The following UTS2B variants were observed in gnomAD, a reference collection of about 807,000 sequenced individuals.
UTS2B encodes the protein urotensin 2B, also known as urotensin-2B.
Under a neutral mutation model 19.2 loss-of-function variants are expected in UTS2B, and 21 were observed. That is an observed-to-expected ratio of 1.09 (90% confidence interval 0.78 to 1.58). UTS2B has a LOEUF of 1.58. Among genes scored for constraint, UTS2B ranks in the 40% most tolerant of loss-of-function variants. The pLI is 0.00. For missense variants in UTS2B, 138 were observed against 130.3 expected, an observed-to-expected ratio of 1.06 and a Z score of -0.29; for synonymous variants, 57 against 50.2, an observed-to-expected ratio of 1.14 and a Z score of -0.58.
At chr3:191,337,751 C>T in the UTS2B span, among the ~76,000 whole-genome samples, 1 of 152,000 alleles carries the variant, frequency 6.6e-6, no homozygotes, top group African/African-American at 2.4e-5. Context: ...CGTATGCCAG[C>T]TCTGAGTAAG....
chr3:191,273,470 C>CT, intron 8 of UTS2B: 1 of 456,716 alleles, frequency 2.2e-6, no homozygotes, highest in South Asian at 1.5e-5. Flanking sequence ...CCCTTCCGAA[C>CT]TGAGGCAATT....
At chr3:191,326,089 G>C (rs950791024) in intron 2 of UTS2B, among the ~76,000 whole-genome samples, 4 of 152,166 alleles carry the variant, frequency 2.6e-5, no homozygotes, top group African/African-American at 9.7e-5. Context: ...CTTTCCAGAA[G>C]TATAGTTCTG....
chr3:191,308,901 A>G (rs941588228), intron 3 of UTS2B, among the ~76,000 whole-genome samples: 1 of 152,184 alleles, frequency 6.6e-6, no homozygotes, highest in African/African-American at 2.4e-5. Context: ...GATATTCAAC[A>G]GAATGTAAAA....
chr3:191,267,854 C>T lies in UTS2B; in HGVS notation c.*562G>A, dbSNP rs71312407. The T allele has an allele frequency of 0.24, 36,897 of 152,090 alleles. 4,654 individuals carry two copies. The highest frequency in any genetic ancestry group is 0.29 in the Admixed American group (4,458 of 15,274). 9.4% of individuals were successfully genotyped at this position (152,090 alleles called of 1,614,324 possible). A position where few individuals can be genotyped will look rare whatever the true frequency, so the allele number is the denominator to read the frequency against. On this transcript the variant is annotated 3_prime_UTR_variant, in exon 9 of 9. Transcript: ENST00000340524. ...CAGAGCCTTAAAACAGAAACACAATCTTTCCATAACCTATGATTAGCAAGA... is the reference window on the plus strand; with the variant it reads ...CAGAGCCTTAAAACAGAAACACAATTTTTCCATAACCTATGATTAGCAAGA...
At chr3:191,273,087 G>A (rs1490541725) in intron 8 of UTS2B, among the ~76,000 whole-genome samples, 1 of 152,174 alleles carries the variant, frequency 6.6e-6, no homozygotes, top group Non-Finnish European at 1.5e-5. Flanking sequence ...TGAATAGCTG[G>A]AACCTGGGAG....
intron 4 of UTS2B, among the ~76,000 whole-genome samples, chr3:191,294,353 G>C (rs560634975): frequency 6.6e-6 from 1 of 151,830 alleles, no homozygotes; most frequent in Non-Finnish European, 1.5e-5. Context: ...GGGTCTATTA[G>C]AAGACGCAAA....
intron 4 of UTS2B, among the ~76,000 whole-genome samples, chr3:191,292,039 G>A (rs1320663763): frequency 6.6e-6 from 1 of 151,356 alleles, no homozygotes; most frequent in African/African-American, 2.4e-5. Context: ...ACTTCTAATG[G>A]TCTATTGTGA....
At chr3:191,343,659 A>G in the UTS2B span, among the ~76,000 whole-genome samples, 1 of 152,216 alleles carries the variant, frequency 6.6e-6, no homozygotes, top group Admixed American at 6.5e-5. Flanking sequence ...TTTTTAAAGA[A>G]GGTACAGGAG....
At chr3:191,324,245 A>G (rs2108616509) in intron 2 of UTS2B, among the ~76,000 whole-genome samples, 1 of 152,334 alleles carries the variant, frequency 6.6e-6, no homozygotes, top group Non-Finnish European at 1.5e-5. Flanking sequence ...GAAGGCTCTT[A>G]CCAGATGGGA....
At chr3:191,297,526 T>G (rs951371882) in intron 4 of UTS2B, among the ~76,000 whole-genome samples, 1 of 152,218 alleles carries the variant, frequency 6.6e-6, no homozygotes, top group Admixed American at 6.5e-5. Context: ...CAAAATTAAT[T>G]GCCTCTTCTT....
At chr3:191,329,942 T>TGGGGGGGGGGGGGGGGGG (rs34226642) in intron 1 of UTS2B, among the ~76,000 whole-genome samples, 1 of 102,890 alleles carries the variant, frequency 9.7e-6, no homozygotes. Flanking sequence ...AGGGGGTGGT[T>TGGGGGGGGGGGGGGGGGG]GGGGGGGGGG....
rs147355036 is a variant in UTS2B at position 191,320,945 on chromosome 3, T to C, written c.-585-4506A>G. Among the ~76,000 whole-genome samples, 570 of 152,330 alleles carry C rather than the reference T, an allele frequency of 3.7e-3. 1 individual carries two copies. The highest frequency in any genetic ancestry group is 0.013 in the African/African-American group (556 of 41,562). ...GAATACAGGTATCACCAACTGATAG[T>C]ATTAAGAGGCAGGGCCTATAAGAGA... On this transcript the variant is annotated intron_variant, in intron 2 of 8. Coordinates refer to ENST00000340524, the MANE Select transcript of UTS2B (RefSeq NM_198152.5).
intron 4 of UTS2B, among the ~76,000 whole-genome samples, chr3:191,298,372 C>A (rs185229420): frequency 9.2e-5 from 14 of 152,228 alleles, no homozygotes; most frequent in Admixed American, 4.6e-4. Context: ...GATTTCCCCC[C>A]TGCTGTTCTC....
chr3:191,268,462 C>A (rs188817973), intron 8 of UTS2B, 21 bp from the exon 9 acceptor site: 3 of 1,516,628 alleles, frequency 2.0e-6, no homozygotes, highest in East Asian at 2.3e-5. Flanking sequence ...AAACAAAATA[C>A]ATTTTTTATT....
intron 4 of UTS2B, among the ~76,000 whole-genome samples, chr3:191,293,076 T>C (rs1716762176): frequency 6.6e-6 from 1 of 152,238 alleles, no homozygotes; most frequent in Non-Finnish European, 1.5e-5. Flanking sequence ...TTTTTGTTTG[T>C]TAAATAAACC....
rs1268430339 is a variant in UTS2B, at chr3:191,313,070, G to T, written c.-182+2966C>A. Among the ~76,000 whole-genome samples the T allele has an allele frequency of 2.6e-5, 4 of 151,638 alleles. No individual in the cohort carries two copies. In the East Asian group the frequency reaches 7.7e-4, roughly 29 times the overall value. On this transcript the variant is annotated intron_variant, in intron 3 of 8. Coordinates refer to ENST00000340524, the MANE Select transcript of UTS2B (RefSeq NM_198152.5). ...CACTCTGTCAGGCTGGAGCGCAGTG[G>T]TGTGATCTCGGCCTCCCTGGTTCAA...
intron 2 of UTS2B, among the ~76,000 whole-genome samples, chr3:191,318,610 C>T (rs969674655): frequency 1.3e-5 from 2 of 152,180 alleles, no homozygotes; most frequent in African/African-American, 4.8e-5. Context: ...GCTGGAACCA[C>T]GGGTGCACAC....
At chr3:191,271,891 T>A (rs1283811714) in intron 8 of UTS2B, among the ~76,000 whole-genome samples, 1 of 152,230 alleles carries the variant, frequency 6.6e-6, no homozygotes, top group Non-Finnish European at 1.5e-5. Context: ...AAATATGGCA[T>A]AACAAACCCA....
At chr3:191,305,942 T>TG (rs1460409402) in intron 3 of UTS2B, among the ~76,000 whole-genome samples, 2 of 152,134 alleles carry the variant, frequency 1.3e-5, no homozygotes, top group East Asian at 1.9e-4. Flanking sequence ...TGCTTTTTTT[T>TG]GGGGGGTCAG....
Sources: allele counts gnomAD v4.1 joint callset (sites outside exome capture counted in the v4.1 genomes callset), GRCh38; gene constraint gnomAD v4.1.1; transcripts MANE v1.5; gene names NCBI Gene and HGNC (gene_info 2026-07-23, HGNC 2026-07-21).